The following UGT1A4 variants were observed in gnomAD, a reference collection of about 807,000 sequenced individuals.
UGT1A4 encodes the protein UDP-glucuronosyltransferase 1A4.
UGT1A4 carries 32 observed loss-of-function variants against 41.1 expected under a neutral mutation model. The ratio of observed to expected loss-of-function variants is 0.78; its 90% CI spans 0.59 to 1.05. The LOEUF is 1.05. Ranked by LOEUF, UGT1A4 falls within the 50% of genes least tolerant of loss-of-function variation. The pLI is 0.00. For missense variants in UGT1A4, 748 were observed against 677.4 expected, an observed-to-expected ratio of 1.10 and a Z score of -1.16; for synonymous variants, 283 against 265.1, an observed-to-expected ratio of 1.07 and a Z score of -0.66.
chr2:233,767,876 C>A lies in UGT1A4; in HGVS notation c.1027C>A (p.Pro343Thr), dbSNP rs773195449. ...TVLWRYTGTR[P>T]SNLANNTILV... ...CCTGTGGCGGTACACTGGAACCCGA[C>A]CATCGAATCTTGCGAACAACACGAT... The change falls in exon 3 of 5, where the codon CCA becomes ACA. Residue 343 changes from proline (P) to threonine (T), a missense_variant. Physicochemically the swap from Pro to Thr is conservative, Grantham distance 38 (BLOSUM62 -1). Transcript: ENST00000373409. 23 of 1,614,060 alleles carry A rather than the reference C, an allele frequency of 1.4e-5. No individual in the cohort carries two copies. The highest frequency in any genetic ancestry group is 1.8e-5 in the Non-Finnish European group (21 of 1,180,054).
intron 1 of UGT1A4, chr2:233,753,481 C>G (rs1199479898): frequency 6.6e-6 from 1 of 152,192 alleles, no homozygotes; most frequent in African/African-American, 2.4e-5. Flanking sequence ...TACCAGCATG[C>G]TGCTCTTAAT....
At chr2:233,768,734 C>T (rs1487456172) in intron 4 of UGT1A4, among the ~76,000 whole-genome samples, 1 of 151,720 alleles carries the variant, frequency 6.6e-6, no homozygotes, top group Non-Finnish European at 1.5e-5. Context: ...AGGTGTCCAC[C>T]ACCACGCCCG....
chr2:233,767,857 G>A lies in UGT1A4; in HGVS notation c.1008G>A (p.Trp336Ter), dbSNP rs1699508733. The change falls in exon 3 of 5, where the codon TGG becomes TGA. Residue 336 changes from tryptophan (W) to a stop codon, truncating the protein, a stop_gained. Coordinates refer to ENST00000373409, the MANE Select transcript of UGT1A4 (RefSeq NM_007120.3). LOFTEE classifies it high-confidence loss of function. ...ALGKIPQTVL[W>*]RYTGTRPSNL... Reference sequence around the variant, plus strand: ...CTTTTTGCCCCTCCCAGGTCCTGTGGCGGTACACTGGAACCCGACCATCGA... The same window carrying A: ...CTTTTTGCCCCTCCCAGGTCCTGTGACGGTACACTGGAACCCGACCATCGA... 6.2e-7 allele frequency: 1 copy of A among 1,613,994 alleles called. No homozygotes were observed. The highest frequency in any genetic ancestry group is 1.1e-5 in the South Asian group (1 of 91,076).
chr2:233,755,042 G>GCCGCCCT (rs756876543), intron 1 of UGT1A4: 2 of 1,323,886 alleles, frequency 1.5e-6, no homozygotes, highest in African/African-American at 3.0e-5. Context: ...CGCCTGCGCA[G>GCCGCCCT]CCGCCCTCCG....
chr2:233,746,343 T>C (rs754584416), intron 1 of UGT1A4, among the ~76,000 whole-genome samples: 11 of 151,756 alleles, frequency 7.2e-5, no homozygotes, highest in Non-Finnish European at 1.6e-4. Context: ...TGGACATGTT[T>C]ATGTTGCTCC....
intron 1 of UGT1A4, 125 bp downstream of exon 1, chr2:233,719,812 CAG>C: frequency 6.3e-7 from 1 of 1,587,558 alleles, no homozygotes; most frequent in Non-Finnish European, 8.6e-7. Flanking sequence ...TTCTTTATAA[CAG>C]ATAAACTGTT....
chr2:233,740,602 C>T (rs1333865723), intron 1 of UGT1A4: 1 of 151,786 alleles, frequency 6.6e-6, no homozygotes, highest in Non-Finnish European at 1.5e-5. Context: ...TTACAGGTCT[C>T]CAGGTCTCTT....
chr2:233,760,460 T>C (rs2125984411), intron 1 of UGT1A4: 1 of 1,614,176 alleles, frequency 6.2e-7, no homozygotes. Flanking sequence ...CATGAAATAG[T>C]TGTCCTAGCA....
At chr2:233,724,335 G>C (rs2077226383) in intron 1 of UGT1A4, among the ~76,000 whole-genome samples, 1 of 147,976 alleles carries the variant, frequency 6.8e-6, no homozygotes, top group African/African-American at 2.5e-5. Flanking sequence ...CCAGGCGGGG[G>C]GCTGACCCCC....
intron 1 of UGT1A4, chr2:233,729,506 CT>C (rs2077870453): frequency 6.2e-7 from 1 of 1,614,044 alleles, no homozygotes; most frequent in African/African-American, 1.3e-5. Flanking sequence ...TATCATAGGT[CT>C]TGTGTGGAGC....
rs4148324 is a variant in UGT1A4 at position 233,764,076 on chromosome 2, T to G, written c.868-2958T>G. ...GAAATGCATTTGGGAAGGGAAAATC[T>G]AATTAAAAGCCTAAACTAAAAATAC... On this transcript the variant is annotated intron_variant, in intron 1 of 4. Transcript: ENST00000373409. Among the ~76,000 whole-genome samples, 54,742 of 151,994 alleles carry G rather than the reference T, an allele frequency of 0.36. 10,244 individuals carry two copies. Among genetic ancestry groups the G allele is most frequent in the African/African-American group, 0.44 (18,411 of 41,456 alleles).
intron 1 of UGT1A4, chr2:233,747,945 G>T (rs1354187104): frequency 6.2e-7 from 1 of 1,613,364 alleles, no homozygotes; most frequent in East Asian, 2.2e-5. Flanking sequence ...GGAGGTGTCA[G>T]TGGTGGATCT....
chr2:233,771,547 G>A (rs1443760906), intron 4 of UGT1A4: 1 of 152,190 alleles, frequency 6.6e-6, no homozygotes, highest in Non-Finnish European at 1.5e-5. Context: ...ACTTACAAAT[G>A]GCTGTTAATT....
At chr2:233,721,475 C>T (rs1272285842) in intron 1 of UGT1A4, 9 of 174,082 alleles carry the variant, frequency 5.2e-5, no homozygotes, top group Admixed American at 4.3e-4. Context: ...TATCTGTTAT[C>T]ATTCTTATTA....
Position 233,739,198 on chromosome 2 carries a change from G to A in UGT1A4, c.867+19511G>A, listed in dbSNP as rs555664061. On this transcript the variant is annotated intron_variant, in intron 1 of 4. Coordinates refer to ENST00000373409, the MANE Select transcript of UGT1A4 (RefSeq NM_007120.3). ...GAAATGCTTGGATGTCCAGGCAGAC[G>A]TTTGCTGCATGGATAGAGTCCTTAT... 7.2e-5 allele frequency: 11 copies of A among 152,362 alleles called. No individual in the cohort carries two copies. The East Asian group carries it at 9.6e-4, about 13-fold the overall frequency. 9.4% of individuals were successfully genotyped at this position (152,362 alleles called of 1,614,324 possible).
chr2:233,768,064 A>T, intron 3 of UGT1A4, 128 bp downstream of exon 3: 6 of 1,598,982 alleles, frequency 3.8e-6, no homozygotes, highest in Non-Finnish European at 4.3e-6. Context: ...ATTGCTTTTT[A>T]TCTAGTGGGG....
rs199947040 is a variant in UGT1A4 at position 233,743,509 on chromosome 2, G to A, written c.868-23525G>A. On this transcript the variant is annotated intron_variant, in intron 1 of 4. Transcript: ENST00000373409. ...GAAGGCAGAGAAAAGGGGTGCAGAC[G>A]CTCTGCTTCTGCTTCCCCAGCAGTT... 3.6e-5 allele frequency: 49 copies of A among 1,367,172 alleles called. 1 individual carries two copies. The South Asian group carries it at 4.7e-4, about 13-fold the overall frequency. The allele number at this position is 1,367,172 out of a possible 1,614,324, so 84.7% of individuals were successfully genotyped here.
chr2:233,747,159 A>G lies in UGT1A4; in HGVS notation c.868-19875A>G, dbSNP rs145059616. 5.9e-5 allele frequency: 94 copies of G among 1,584,988 alleles called. 3 individuals carry two copies. The African/African-American group carries it at 1.2e-3, about 20-fold the overall frequency. Reference sequence around the variant, plus strand: ...CAAGGTAATTAAGATGAAGAAAACAAATGTAGGAGGCACAGCGTGGGGTGG... The same window carrying G: ...CAAGGTAATTAAGATGAAGAAAACAGATGTAGGAGGCACAGCGTGGGGTGG... On this transcript the variant is annotated intron_variant, in intron 1 of 4. Coordinates refer to ENST00000373409, the MANE Select transcript of UGT1A4 (RefSeq NM_007120.3).
chr2:233,745,948 A>T (rs915147322), intron 1 of UGT1A4, among the ~76,000 whole-genome samples: 2 of 151,678 alleles, frequency 1.3e-5, no homozygotes, highest in Admixed American at 1.3e-4. Flanking sequence ...GGGGTTGGGC[A>T]ACTGGGGGAC....
Sources: gnomAD v4.1 joint callset for allele counts (sites outside exome capture counted in the v4.1 genomes callset) on GRCh38, gnomAD v4.1.1 for gene constraint, MANE v1.5 for transcripts, NCBI Gene and HGNC (gene_info 2026-07-23, HGNC 2026-07-21) for gene names.